Variants in NLGN4Y observed in about 807,000 individuals in gnomAD.
NLGN4Y encodes the protein neuroligin 4 Y-linked.
A neutral mutation model predicts 8.4 loss-of-function variants in NLGN4Y; 4 were observed. That is an observed-to-expected ratio of 0.48 (90% confidence interval 0.23 to 1.09). The LOEUF (loss-of-function observed/expected upper bound fraction) is 1.09. NLGN4Y is among the 50% of genes least tolerant of loss of function. NLGN4Y has a pLI of 0.19. For synonymous variants in NLGN4Y, 35 were observed against 75.6 expected (o/e 0.46, Z 2.78); for missense variants, 90 against 192.3 (o/e 0.47, Z 3.15).
At chrY:14,808,600 C>A in intron 4 of NLGN4Y, among the ~76,000 whole-genome samples, 1 of 33,968 alleles carries the variant, frequency 2.9e-5, no homozygotes, top group South Asian at 6.5e-4. Flanking sequence ...TACAGATAAT[C>A]ACACAGGACA....
At chrY:14,568,614 G>C (rs999620898) in intron 1 of NLGN4Y, among the ~76,000 whole-genome samples, 1 of 33,165 alleles carries the variant, frequency 3.0e-5, no homozygotes, top group Non-Finnish European at 7.4e-5. Context: ...GAATGTAATA[G>C]CACTTGAGGA....
intron 1 of NLGN4Y, among the ~76,000 whole-genome samples, chrY:14,589,586 C>A (rs2080358124): frequency 3.4e-5 from 1 of 29,465 alleles, no homozygotes; most frequent in Non-Finnish European, 8.0e-5. Flanking sequence ...ACAAGAGCAG[C>A]TAGATACAGT....
rs773853756 is a variant in NLGN4Y at position 14,604,880 on chromosome Y, C to G, written c.-111-17129C>G. ...CACCATGCCTGGCCACGTTTTTACT[C>G]TCCAATTACTTAATATATAGTAAAG... On this transcript the variant is annotated intron_variant, in intron 1 of 6. Transcript: ENST00000684976. Among the ~76,000 whole-genome samples the G allele has an allele frequency of 1.1e-3, 37 of 33,752 alleles. No homozygotes were observed. In the East Asian group the frequency reaches 0.027, roughly 25 times the overall value. 90.6% of individuals were successfully genotyped at this position (33,752 alleles called of 37,273 possible).
intron 4 of NLGN4Y, among the ~76,000 whole-genome samples, chrY:14,772,769 G>T (rs2081111082): frequency 3.0e-5 from 1 of 32,899 alleles, no homozygotes; most frequent in East Asian, 8.0e-4. Context: ...TTTAACAAGG[G>T]CAAATCAATA....
intron 2 of NLGN4Y, among the ~76,000 whole-genome samples, chrY:14,651,609 C>A (rs899185094): frequency 3.0e-5 from 1 of 32,973 alleles, no homozygotes; most frequent in African/African-American, 1.2e-4. Context: ...ACATTATCTG[C>A]AAATAATGAC....
At chrY:14,730,997 G>A (rs2080970302) in intron 4 of NLGN4Y, among the ~76,000 whole-genome samples, 1 of 27,330 alleles carries the variant, frequency 3.7e-5, no homozygotes, top group Admixed American at 3.5e-4. Context: ...ATGTGTGTGT[G>A]TGTGTGTGTG....
rs748417263 is a variant in NLGN4Y at position 14,660,413 on chromosome Y, G to T, written c.472+37822G>T. 3.6e-4 allele frequency among the ~76,000 whole-genome samples: 12 copies of T among 33,050 alleles called. No homozygotes were observed. The East Asian group carries it at 9.6e-3, about 27-fold the overall frequency. 88.7% of individuals were successfully genotyped at this position (33,050 alleles called of 37,273 possible). ...TTATTTTTTATCTTTATTTCTACTG[G>T]GTCTCTGTCACTCAGGCTGTAGTGC... On this transcript the variant is annotated intron_variant, in intron 2 of 6. Coordinates refer to ENST00000684976, the MANE Select transcript of NLGN4Y (RefSeq NM_001365588.1).
chrY:14,639,341 A>G, intron 2 of NLGN4Y: 1 of 170,783 alleles, frequency 5.9e-6, no homozygotes, highest in Non-Finnish European at 1.1e-5. Context: ...GATTTGAAAA[A>G]AATGCTGCCC....
intron 4 of NLGN4Y, among the ~76,000 whole-genome samples, chrY:14,787,651 T>G: frequency 3.0e-5 from 1 of 33,746 alleles, no homozygotes; most frequent in East Asian, 7.8e-4. Context: ...GCTACCCCTG[T>G]TCATTCCAGA....
intron 1 of NLGN4Y, among the ~76,000 whole-genome samples, chrY:14,549,822 G>T: frequency 3.0e-5 from 1 of 32,863 alleles, no homozygotes; most frequent in Non-Finnish European, 7.5e-5. Context: ...CTGGCCTCTG[G>T]GGGTAGGAAG....
At chrY:14,730,526 C>T in intron 4 of NLGN4Y, among the ~76,000 whole-genome samples, 1 of 33,350 alleles carries the variant, frequency 3.0e-5, no homozygotes, top group African/African-American at 1.2e-4. Flanking sequence ...AACCTGTATC[C>T]AGTAGGTATT....
intron 4 of NLGN4Y, among the ~76,000 whole-genome samples, chrY:14,772,883 A>G: frequency 6.0e-5 from 2 of 33,258 alleles, no homozygotes; most frequent in African/African-American, 2.3e-4. Context: ...TTATGCTAAA[A>G]ATTCTCAAAA....
intron 1 of NLGN4Y, among the ~76,000 whole-genome samples, chrY:14,588,258 G>T: frequency 5.9e-5 from 2 of 33,689 alleles, no homozygotes; most frequent in Non-Finnish European, 1.5e-4. Context: ...AGTAAAAGAG[G>T]TTTAATAAAC....
At chrY:14,794,153 T>G in intron 4 of NLGN4Y, among the ~76,000 whole-genome samples, 1 of 32,729 alleles carries the variant, frequency 3.1e-5, no homozygotes, top group Non-Finnish European at 7.5e-5. Flanking sequence ...GTTTTCTTAT[T>G]AGAGAATGTT....
chrY:14,777,387 T>C, intron 4 of NLGN4Y, among the ~76,000 whole-genome samples: 1 of 33,428 alleles, frequency 3.0e-5, no homozygotes, highest in Non-Finnish European at 7.4e-5. Flanking sequence ...TACCACATGG[T>C]AAGGATTTTA....
At chrY:14,687,202 T>C in intron 2 of NLGN4Y, among the ~76,000 whole-genome samples, 1 of 32,695 alleles carries the variant, frequency 3.1e-5, no homozygotes, top group Admixed American at 2.8e-4. Flanking sequence ...AGTAGGGTGA[T>C]CAGTGACAAC....
chrY:14,809,308 T>C, intron 4 of NLGN4Y, among the ~76,000 whole-genome samples: 1 of 32,234 alleles, frequency 3.1e-5, no homozygotes. Flanking sequence ...GCAACGTCTC[T>C]GCAAAAAATA....
At chrY:14,753,417 G>T in intron 4 of NLGN4Y, among the ~76,000 whole-genome samples, 4 of 30,518 alleles carry the variant, frequency 1.3e-4, no homozygotes, top group African/African-American at 5.1e-4. Flanking sequence ...GGGATTACAG[G>T]CATGAGACAC....
intron 1 of NLGN4Y, among the ~76,000 whole-genome samples, chrY:14,566,740 A>T (rs2150478226): frequency 1.2e-4 from 4 of 32,949 alleles, no homozygotes. Flanking sequence ...ACCACATCAC[A>T]CTTATTCTAT....
Sources: gnomAD v4.1 joint callset for allele counts (sites outside exome capture counted in the v4.1 genomes callset) on GRCh38, gnomAD v4.1.1 for gene constraint, MANE v1.5 for transcripts, NCBI Gene and HGNC (gene_info 2026-07-23, HGNC 2026-07-21) for gene names.